Variants in ZNF566 observed in about 807,000 individuals in gnomAD.
ZNF566 encodes zinc finger protein 566.
ZNF566 carries 27 observed loss-of-function variants against 32.8 expected under a neutral mutation model. That is an observed-to-expected ratio of 0.82 (90% CI 0.61 to 1.14). The LOEUF (loss-of-function observed/expected upper bound fraction) is 1.14, where lower values mean the gene tolerates loss of function less well. Ranked by LOEUF, ZNF566 falls within the 50% of genes most tolerant of loss-of-function variation. The pLI, the probability that ZNF566 is intolerant of heterozygous loss-of-function variation, is 0.00. For synonymous variants in ZNF566, 154 were observed against 159.5 expected (o/e 0.97, Z 0.26); for missense variants, 402 against 490.4 (o/e 0.82, Z 1.70).
At chr19:36,462,943 C>A (rs1471069612) in intron 4 of ZNF566, among the ~76,000 whole-genome samples, 5 of 97,780 alleles carry the variant, frequency 5.1e-5, no homozygotes, top group Non-Finnish European at 7.4e-5. Flanking sequence ...GGTGACACAG[C>A]GAGACTCTGT....
rs2034258959 is a variant in ZNF566, at chr19:36,489,533, G to GT, written c.-108dup. 2.8e-6 allele frequency: 1 copy of GT among 351,400 alleles called. No homozygotes were observed. The highest frequency in any genetic ancestry group is 2.1e-5 in the African/African-American group (1 of 46,678). The allele number at this position is 351,400 out of a possible 1,614,324, so 21.8% of individuals were successfully genotyped here. ...CTCCCCGGCACTGGGGTAGTTGCTG[G>GT]TAAAGCCCTGAGGGTCCCGCCAGCG... On this transcript the variant is annotated 5_prime_UTR_variant, in exon 1 of 5. Coordinates refer to ENST00000452939, the MANE Select transcript of ZNF566 (RefSeq NM_001145344.1).
chr19:36,482,892 G>T (rs184542092), intron 1 of ZNF566, among the ~76,000 whole-genome samples: 3 of 152,320 alleles, frequency 2.0e-5, no homozygotes, highest in Admixed American at 6.5e-5. Context: ...AGCCTTGGAA[G>T]ACAGAGTCGG....
chr19:36,485,958 G>A (rs1166666612), intron 1 of ZNF566, among the ~76,000 whole-genome samples: 1 of 152,108 alleles, frequency 6.6e-6, no homozygotes, highest in Non-Finnish European at 1.5e-5. Flanking sequence ...GGAGGCTGAG[G>A]CAAGAATATC....
intron 1 of ZNF566, among the ~76,000 whole-genome samples, chr19:36,478,560 T>G (rs1001547172): frequency 6.6e-6 from 1 of 151,570 alleles, no homozygotes; most frequent in Non-Finnish European, 1.5e-5. Flanking sequence ...CCTCCCATGC[T>G]GAATTCTTAC....
chr19:36,457,234 T>C (rs910314491), intron 4 of ZNF566, among the ~76,000 whole-genome samples: 4 of 152,078 alleles, frequency 2.6e-5, no homozygotes, highest in Admixed American at 2.6e-4. Flanking sequence ...TGCATACATA[T>C]ACGAAAGTCA....
rs1427137218 is a variant in ZNF566, at chr19:36,447,732, A to G, written c.*1245T>C. On this transcript the variant is annotated 3_prime_UTR_variant, in exon 5 of 5. Transcript: ENST00000452939. Reference sequence around the variant, plus strand: ...AGTATTAGTCGGAATAAAGTCCTTCACACACATTATTCACAGTACTTTCCC... The same window carrying G: ...AGTATTAGTCGGAATAAAGTCCTTCGCACACATTATTCACAGTACTTTCCC... 1.3e-5 allele frequency: 2 copies of G among 152,080 alleles called. No homozygotes were observed. 9.4% of individuals were successfully genotyped at this position (152,080 alleles called of 1,614,324 possible).
At chr19:36,476,738 G>T in intron 1 of ZNF566, 122 bp from the exon 2 acceptor site, 1 of 725,126 alleles carries the variant, frequency 1.4e-6, no homozygotes, top group Non-Finnish European at 2.2e-6. Context: ...AGGAGAATGG[G>T]CAAATGTCTC....
Position 36,452,083 on chromosome 19 carries a change from TA to T in ZNF566, c.233-2083del, listed in dbSNP as rs984317193. 4.6e-3 allele frequency among the ~76,000 whole-genome samples: 644 copies of T among 140,936 alleles called. 1 individual carries two copies. Among genetic ancestry groups the T allele is most frequent in the Non-Finnish European group, 6.0e-3 (384 of 64,172 alleles). The allele number at this position is 140,936 out of a possible 152,430, so 92.5% of individuals were successfully genotyped here. ...CATTAGGCCCGACCCCTTGACTCGTTAAAAAAAAAAAAGGGAGAATAGTTAG... is the reference window on the plus strand; with the variant it reads ...CATTAGGCCCGACCCCTTGACTCGTTAAAAAAAAAAAGGGAGAATAGTTAG... On this transcript the variant is annotated intron_variant, in intron 4 of 4. Transcript: ENST00000452939.
rs920331880 is a variant in ZNF566, at chr19:36,465,549, G to A, written c.232+7362C>T. Among the ~76,000 whole-genome samples the A allele has an allele frequency of 3.9e-5, 6 of 151,906 alleles. No individual in the cohort carries two copies. In the East Asian group the frequency reaches 1.2e-3, roughly 29 times the overall value. On this transcript the variant is annotated intron_variant, in intron 4 of 4. Transcript: ENST00000452939. ...TGCGGTGGCACGATCTCAACTCACT[G>A]TAAGCTCCGCCTCCCAGGTTCATGT...
chr19:36,467,470 A>G lies in ZNF566; in HGVS notation c.232+5441T>C, dbSNP rs939847842. On this transcript the variant is annotated intron_variant, in intron 4 of 4. Transcript: ENST00000452939. ...AAAAAAAAAGAATTTCAAAAAACCA[A>G]TGACTTGAAAATGTGTGCTAAAACT... 4.7e-5 allele frequency among the ~76,000 whole-genome samples: 7 copies of G among 148,998 alleles called. 1 individual carries two copies. The highest frequency in any genetic ancestry group is 1.8e-4 in the African/African-American group (7 of 39,982).
rs1300836945 is a variant in ZNF566 at position 36,449,502 on chromosome 19, TC to T, written c.731del (p.Arg244HisfsTer204). ...TCTCACCAGTGTGAATTCTGTGATG[TC>T]GAGTAAGGTCTGAGCCACAAATAAA... Reference protein sequence around the residue: ...KTFICGSDLTRHHRIHTGEKP... With the variant: ...KTFICGSDLTXHHRIHTGEKP... On this transcript the variant is annotated frameshift_variant, in exon 5 of 5. Transcript: ENST00000452939. LOFTEE classifies it high-confidence loss of function. The T allele has an allele frequency of 6.2e-7, 1 of 1,614,032 alleles. No homozygotes were observed. Among genetic ancestry groups the T allele is most frequent in the African/African-American group, 1.3e-5 (1 of 74,924 alleles).
At chr19:36,452,321 A>C (rs2033178643) in intron 4 of ZNF566, among the ~76,000 whole-genome samples, 2 of 151,898 alleles carry the variant, frequency 1.3e-5, no homozygotes, top group South Asian at 4.2e-4. Context: ...GAAAAGAAAA[A>C]ATGAGTATAG....
At chr19:36,483,666 A>G (rs2034088443) in intron 1 of ZNF566, among the ~76,000 whole-genome samples, 1 of 152,194 alleles carries the variant, frequency 6.6e-6, no homozygotes, top group Non-Finnish European at 1.5e-5. Context: ...TAGGTAAATA[A>G]TTGAATAAAC....
intron 4 of ZNF566, among the ~76,000 whole-genome samples, chr19:36,457,658 G>A (rs562184108): frequency 5.3e-5 from 8 of 152,250 alleles, no homozygotes; most frequent in Non-Finnish European, 1.2e-4. Flanking sequence ...TTGGGAGGCC[G>A]AGGTGGGTGG....
At position 36,446,173 on chromosome 19, in the gene ZNF566, G is replaced by A. The variant is rs1201529034; in HGVS notation, c.*2804C>T. ...ATGTTTTAGCATGAAGAAATATATGGGTAATATACACAACCTTTAAATATT... is the reference window on the plus strand; with the variant it reads ...ATGTTTTAGCATGAAGAAATATATGAGTAATATACACAACCTTTAAATATT... On this transcript the variant is annotated 3_prime_UTR_variant, in exon 5 of 5. Coordinates refer to ENST00000452939, the MANE Select transcript of ZNF566 (RefSeq NM_001145344.1). The A allele has an allele frequency of 6.6e-6, 1 of 152,040 alleles. No individual in the cohort carries two copies. The highest frequency in any genetic ancestry group is 1.5e-5 in the Non-Finnish European group (1 of 68,036). 9.4% of individuals were successfully genotyped at this position (152,040 alleles called of 1,614,324 possible).
Position 36,447,900 on chromosome 19 carries a change from T to C in ZNF566, c.*1077A>G, listed in dbSNP as rs1163247561. On this transcript the variant is annotated 3_prime_UTR_variant, in exon 5 of 5. Transcript: ENST00000452939. ...AAGTTCTGCAGAAGTTAAAAAGCCT[T>C]TCTACAAATAATAATACTGATGATG... The C allele has an allele frequency of 6.6e-6, 1 of 152,146 alleles. No individual in the cohort carries two copies. 9.4% of individuals were successfully genotyped at this position (152,146 alleles called of 1,614,324 possible).
At chr19:36,471,670 A>G (rs1277504989) in intron 4 of ZNF566, among the ~76,000 whole-genome samples, 2 of 151,850 alleles carry the variant, frequency 1.3e-5, no homozygotes, top group Admixed American at 1.3e-4. Flanking sequence ...ATTACCTGGT[A>G]TGTTATATAT....
chr19:36,463,415 A>G (rs2033528867), intron 4 of ZNF566, among the ~76,000 whole-genome samples: 1 of 152,060 alleles, frequency 6.6e-6, no homozygotes, highest in Non-Finnish European at 1.5e-5. Flanking sequence ...ATAAAAATAC[A>G]CTGAAATACC....
intron 4 of ZNF566, among the ~76,000 whole-genome samples, chr19:36,458,125 AT>A (rs2033364614): frequency 6.6e-6 from 1 of 152,168 alleles, no homozygotes; most frequent in Admixed American, 6.5e-5. Flanking sequence ...TCAAATCAGT[AT>A]GGGGGAAAAA....
Sources: allele counts gnomAD v4.1 joint callset (sites outside exome capture counted in the v4.1 genomes callset), GRCh38; gene constraint gnomAD v4.1.1; transcripts MANE v1.5; gene names NCBI Gene and HGNC (gene_info 2026-07-23, HGNC 2026-07-21).